Variants in RGS6 observed in about 807,000 individuals in gnomAD.
RGS6 encodes the protein regulator of G-protein signaling 6.
A neutral mutation model predicts 78.5 loss-of-function variants in RGS6; 30 were observed. That is an observed-to-expected ratio of 0.38 (90% confidence interval 0.29 to 0.52). The LOEUF (loss-of-function observed/expected upper bound fraction) is 0.52, where lower values mean the gene tolerates loss of function less well. Ranked by LOEUF, RGS6 falls within the 20% of genes least tolerant of loss-of-function variation. The pLI, the probability that RGS6 is intolerant of heterozygous loss-of-function variation, is 0.85. For synonymous variants in RGS6, 206 were observed against 206.0 expected, an observed-to-expected ratio of 1.00 and a Z score of 0.00; for missense variants, 495 against 609.7, an observed-to-expected ratio of 0.81 and a Z score of 1.98.
chr14:72,550,405 T>C, intron 17 of RGS6: 1 of 1,471,824 alleles, frequency 6.8e-7, no homozygotes, highest in Non-Finnish European at 9.2e-7. Context: ...CCCCTGGCTT[T>C]TTTTGTTTGC....
the RGS6 span, among the ~76,000 whole-genome samples, chr14:72,606,339 A>G: frequency 6.6e-6 from 1 of 152,148 alleles, no homozygotes; most frequent in East Asian, 1.9e-4. Context: ...TCATGCCTGT[A>G]TCTATAAAGT....
intron 2 of RGS6, among the ~76,000 whole-genome samples, chr14:71,981,081 C>T (rs1317320084): frequency 2.0e-5 from 3 of 150,268 alleles, no homozygotes; most frequent in Non-Finnish European, 3.0e-5. Flanking sequence ...GCATTCTTCA[C>T]ATAGTTGTCG....
the RGS6 span, among the ~76,000 whole-genome samples, chr14:72,607,120 A>G: frequency 8.5e-5 from 13 of 152,162 alleles, no homozygotes; most frequent in African/African-American, 3.1e-4. Context: ...GGGCTGCATT[A>G]TAATAGTTAA....
At chr14:72,254,215 A>T (rs966305418) in intron 2 of RGS6, among the ~76,000 whole-genome samples, 3 of 152,204 alleles carry the variant, frequency 2.0e-5, no homozygotes, top group African/African-American at 7.2e-5. Flanking sequence ...TAATAGTTTG[A>T]TTCACAAGCC....
intron 1 of RGS6, among the ~76,000 whole-genome samples, chr14:71,960,929 T>C (rs957960233): frequency 2.0e-5 from 3 of 152,222 alleles, no homozygotes; most frequent in Non-Finnish European, 4.4e-5. Context: ...TGTGAACACA[T>C]CTGTTATTCC....
intron 3 of RGS6, among the ~76,000 whole-genome samples, chr14:72,412,199 G>A (rs1161415303): frequency 6.6e-6 from 1 of 152,148 alleles, no homozygotes; most frequent in East Asian, 1.9e-4. Flanking sequence ...TCTGGTCCTG[G>A]ACTTTTTTTG....
chr14:72,073,306 A>G lies in RGS6; in HGVS notation c.84+108431A>G, dbSNP rs138586958. Among the ~76,000 whole-genome samples, 290 of 152,370 alleles carry G rather than the reference A, an allele frequency of 1.9e-3. 1 individual carries two copies. The highest frequency in any genetic ancestry group is 6.8e-3 in the African/African-American group (281 of 41,580). On this transcript the variant is annotated intron_variant, in intron 2 of 17. Coordinates refer to ENST00000553525, the MANE Select transcript of RGS6 (RefSeq NM_001204424.2). ...TGTATAACAAAACCGGTATTACCAT[A>G]GATTAATTGACATAAATGAGAGTTA...
the RGS6 span, among the ~76,000 whole-genome samples, chr14:71,872,317 C>G: frequency 2.0e-5 from 3 of 150,720 alleles, no homozygotes; most frequent in Non-Finnish European, 4.4e-5. Context: ...CTATGGTACA[C>G]AGTTTCCAGG....
In RGS6 at chr14:72,077,161, A is replaced by G. The variant is rs1270213122; in HGVS notation, c.84+112286A>G. 7.2e-5 allele frequency among the ~76,000 whole-genome samples: 11 copies of G among 151,876 alleles called. 1 individual carries two copies. The highest frequency in any genetic ancestry group is 1.5e-4 in the Non-Finnish European group (10 of 67,946). On this transcript the variant is annotated intron_variant, in intron 2 of 17. Coordinates refer to ENST00000553525, the MANE Select transcript of RGS6 (RefSeq NM_001204424.2). The stretch of plus-strand genomic sequence containing the variant: ...GTATGAAAGTTGTATGTATTTTAAG[A>G]TAAATGAAAACTTATATTGATTTGT...
chr14:72,087,378 G>T (rs372750818), intron 2 of RGS6, among the ~76,000 whole-genome samples: 2 of 152,026 alleles, frequency 1.3e-5, no homozygotes, highest in African/African-American at 2.4e-5. Flanking sequence ...TGATCTGCCC[G>T]CCTTGGCCTC....
the RGS6 span, among the ~76,000 whole-genome samples, chr14:72,588,621 T>C: frequency 3.9e-5 from 6 of 152,178 alleles, no homozygotes; most frequent in Non-Finnish European, 8.8e-5. Context: ...GCAATTCTTT[T>C]GTTGAGGTTG....
chr14:72,413,839 G>T (rs1328089626), intron 3 of RGS6, among the ~76,000 whole-genome samples: 1 of 152,114 alleles, frequency 6.6e-6, no homozygotes, highest in East Asian at 1.9e-4. Context: ...GCTTAGTTTG[G>T]CTGGATATGA....
At chr14:71,921,303 A>T in the RGS6 span, among the ~76,000 whole-genome samples, 2 of 151,024 alleles carry the variant, frequency 1.3e-5, no homozygotes, top group African/African-American at 2.4e-5. Context: ...CCCAAAGATT[A>T]AAAAAAAGGG....
intron 4 of RGS6, among the ~76,000 whole-genome samples, chr14:72,455,003 AT>A (rs1017412561): frequency 6.6e-6 from 1 of 151,974 alleles, no homozygotes; most frequent in Non-Finnish European, 1.5e-5. Flanking sequence ...TGAAGGAATG[AT>A]TTTTTTTCAA....
At chr14:72,391,616 C>T (rs960186272) in intron 3 of RGS6, among the ~76,000 whole-genome samples, 6 of 152,200 alleles carry the variant, frequency 3.9e-5, no homozygotes, top group Admixed American at 1.3e-4. Context: ...TATACACACA[C>T]ACTTTAAGTT....
chr14:72,314,820 G>T (rs2069642158), intron 2 of RGS6, among the ~76,000 whole-genome samples: 1 of 152,210 alleles, frequency 6.6e-6, no homozygotes, highest in Non-Finnish European at 1.5e-5. Flanking sequence ...TCCTGAGAGA[G>T]AACTTTCTAC....
intron 2 of RGS6, among the ~76,000 whole-genome samples, chr14:72,319,434 C>T (rs2071260658): frequency 6.6e-6 from 1 of 151,708 alleles, no homozygotes; most frequent in Admixed American, 6.6e-5. Context: ...ACTGCAACCT[C>T]CACCTCCCGG....
intron 2 of RGS6, among the ~76,000 whole-genome samples, chr14:72,210,197 GT>G (rs1366869091): frequency 6.6e-6 from 1 of 152,194 alleles, no homozygotes; most frequent in Admixed American, 6.5e-5. Context: ...GGATTAATCC[GT>G]TAGAGCCACA....
chr14:72,340,731 C>T (rs1490094926), intron 2 of RGS6, among the ~76,000 whole-genome samples: 3 of 152,184 alleles, frequency 2.0e-5, no homozygotes, highest in Non-Finnish European at 4.4e-5. Context: ...CACTTCTCTC[C>T]AGAGCTCTGG....
Sources: allele counts gnomAD v4.1 joint callset (sites outside exome capture counted in the v4.1 genomes callset), GRCh38; gene constraint gnomAD v4.1.1; transcripts MANE v1.5; gene names NCBI Gene and HGNC (gene_info 2026-07-23, HGNC 2026-07-21).